The following NCOR2 variants were observed in gnomAD, a reference collection of about 807,000 sequenced individuals.
The protein encoded by NCOR2 is CTG repeat protein 26.
A neutral mutation model predicts 262.9 loss-of-function variants in NCOR2; 81 were observed. The ratio of observed to expected loss-of-function variants is 0.31; its 90% CI spans 0.26 to 0.37. NCOR2 has a LOEUF of 0.37. Among genes scored for constraint, NCOR2 ranks in the 10% least tolerant of loss-of-function variants. NCOR2 has a pLI of 1.00. For synonymous variants in NCOR2, 1,659 were observed against 1,559.3 expected (o/e 1.06, Z -1.51); for missense variants, 3,385 against 3,621.4 (o/e 0.93, Z 1.68).
At chr12:124,538,937 G>A (rs2051201595), upstream of NCOR2, 1 of 152,318 alleles carries the variant, frequency 6.6e-6, no homozygotes, top group South Asian at 2.1e-4. Flanking sequence ...TCTGAGGGAG[G>A]AGTCACCCAA....
At chr12:124,431,408 G>A (rs1565937666) in intron 8 of NCOR2, among the ~76,000 whole-genome samples, 1 of 148,178 alleles carries the variant, frequency 6.7e-6, no homozygotes, top group East Asian at 2.1e-4. Flanking sequence ...AGATACACAG[G>A]CAGACAGACA....
intron 28 of NCOR2, chr12:124,348,705 T>A: frequency 4.3e-6 from 1 of 232,744 alleles, no homozygotes. Flanking sequence ...CAAGGACGCA[T>A]CAGCAGTGTG....
rs2136228472 is a variant in NCOR2, at chr12:124,408,072, T to A, written c.1483-5511A>T. ...TCTTTTTATAAGATATACCAAGGCG[T>A]GGCGGGGCGCGGTGGCTCACGCCTG... On this transcript the variant is annotated intron_variant, in intron 13 of 46. Coordinates refer to ENST00000405201, the Ensembl canonical transcript of NCOR2. Among the ~76,000 whole-genome samples, 2 of 152,262 alleles carry A rather than the reference T, an allele frequency of 1.3e-5. 1 individual carries two copies. Among genetic ancestry groups the A allele is most frequent in the Admixed American group, 1.3e-4 (2 of 15,294 alleles).
At chr12:124,439,560 G>A (rs1482516163) in intron 7 of NCOR2, among the ~76,000 whole-genome samples, 2 of 151,838 alleles carry the variant, frequency 1.3e-5, no homozygotes, top group Non-Finnish European at 2.9e-5. Context: ...GGGACCCAGA[G>A]AGAGGGAGAC....
At chr12:124,453,639 C>T (rs939112341) in intron 6 of NCOR2, among the ~76,000 whole-genome samples, 1 of 152,234 alleles carries the variant, frequency 6.6e-6, no homozygotes, top group African/African-American at 2.4e-5. Flanking sequence ...GCGGCCTGAG[C>T]TGGCAATAAA....
chr12:124,469,288 G>C lies in NCOR2; in HGVS notation c.592-3002C>G, dbSNP rs149139240. 1.1e-3 allele frequency among the ~76,000 whole-genome samples: 171 copies of C among 152,246 alleles called. 1 individual carries two copies. The highest frequency in any genetic ancestry group is 3.9e-3 in the African/African-American group (160 of 41,548). On this transcript the variant is annotated intron_variant, in intron 4 of 46. Transcript: ENST00000405201. The stretch of plus-strand genomic sequence containing the variant: ...AACCCAGAAAGGTGCCCAAGAAGAA[G>C]TGAACACAGGAAAAGCCAGAAAATC...
At chr12:124,385,222 G>A (rs796829598) in intron 17 of NCOR2, among the ~76,000 whole-genome samples, 3 of 152,144 alleles carry the variant, frequency 2.0e-5, no homozygotes, top group Non-Finnish European at 2.9e-5. Flanking sequence ...TCAGCCTCCC[G>A]TGGCCTGCCT....
intron 2 of NCOR2, among the ~76,000 whole-genome samples, chr12:124,485,175 G>A (rs886140226): frequency 9.2e-5 from 14 of 152,238 alleles, no homozygotes; most frequent in African/African-American, 3.1e-4. Flanking sequence ...CAAAATCCAC[G>A]GCCACTGGAA....
chr12:124,368,864 C>A (rs527845946), intron 20 of NCOR2, among the ~76,000 whole-genome samples: 1 of 152,384 alleles, frequency 6.6e-6, no homozygotes, highest in East Asian at 1.9e-4. Context: ...CAGTTTCCAG[C>A]GCCCCCGGCG....
chr12:124,489,640 G>T (rs561314175), intron 1 of NCOR2, among the ~76,000 whole-genome samples: 1 of 150,056 alleles, frequency 6.7e-6, no homozygotes, highest in Non-Finnish European at 1.5e-5. Flanking sequence ...GCCTCAGAGG[G>T]TTCTCCCTGA....
intron 10 of NCOR2, chr12:124,429,367 C>T (rs1380299454): frequency 1.7e-5 from 9 of 536,830 alleles, no homozygotes; most frequent in Middle Eastern, 5.0e-4. Flanking sequence ...GATGGGGGAG[C>T]GCCAGGGCCC....
rs914468257 is a variant in NCOR2 at position 124,482,358 on chromosome 12, G to A, written c.411+1238C>T. Among the ~76,000 whole-genome samples the A allele has an allele frequency of 1.3e-5, 2 of 151,978 alleles. No homozygotes were observed. The highest frequency in any genetic ancestry group is 4.8e-5 in the African/African-American group (2 of 41,348). ...AGCCCAGCCATCCCAGCCCCAGGAC[G>A]GCACCCCCACCTCCTGCCAGCCCAA... On this transcript the variant is annotated intron_variant, in intron 3 of 46. Coordinates refer to ENST00000405201, the Ensembl canonical transcript of NCOR2. The surrounding 1 kb of genome is among the most constrained non-coding windows in gnomAD (Gnocchi z 6.3).
chr12:124,515,491 C>A (rs987512563), intron 1 of NCOR2, among the ~76,000 whole-genome samples: 2 of 152,086 alleles, frequency 1.3e-5, no homozygotes, highest in Non-Finnish European at 2.9e-5. Context: ...TCATCCATAT[C>A]ATAACTAGGA....
Position 124,333,108 on chromosome 12 carries a change from G to C in NCOR2, c.6755+22C>G, listed in dbSNP as rs774812458. The C allele has an allele frequency of 8.2e-6, 13 of 1,582,840 alleles. No individual in the cohort carries two copies. The South Asian group carries it at 1.3e-4, about 15-fold the overall frequency. On this transcript the variant is annotated intron_variant, in intron 42 of 46. Coordinates refer to ENST00000405201, the Ensembl canonical transcript of NCOR2. ...GGGATACCAGAGCATCCCGGGGGCA[G>C]CGCATGTGCCCACAGAAGTACCTGG...
At chr12:124,538,037 AG>A (rs2051168172), upstream of NCOR2, 1 of 152,270 alleles carries the variant, frequency 6.6e-6, no homozygotes, top group Non-Finnish European at 1.5e-5. Flanking sequence ...GTCCCGTCAC[AG>A]GCTAGGGCAG....
chr12:124,456,940 C>A (rs554584628), intron 6 of NCOR2, among the ~76,000 whole-genome samples, 166 bp downstream of exon 8: 1 of 151,372 alleles, frequency 6.6e-6, no homozygotes, highest in East Asian at 2.0e-4. Flanking sequence ...CGCTATCTGC[C>A]GTCCTCTCAT....
At chr12:124,501,048 GCGCGCGCA>G (rs1555232665) in intron 1 of NCOR2, among the ~76,000 whole-genome samples, 1 of 51,126 alleles carries the variant, frequency 2.0e-5, no homozygotes, top group African/African-American at 6.9e-5. Flanking sequence ...CGGCACGAGC[GCGCGCGCA>G]CGCGCGCACA....
intron 2 of NCOR2, among the ~76,000 whole-genome samples, chr12:124,485,048 C>G (rs1330942498): frequency 6.6e-6 from 1 of 152,230 alleles, no homozygotes; most frequent in Non-Finnish European, 1.5e-5. Flanking sequence ...CCAAGACATC[C>G]CCCTCTTCAA....
At chr12:124,410,755 G>A (rs558690378) in intron 13 of NCOR2, among the ~76,000 whole-genome samples, 4 of 152,144 alleles carry the variant, frequency 2.6e-5, no homozygotes, top group Non-Finnish European at 4.4e-5. Context: ...AACACCCACC[G>A]CACAGCGGCT....
Sources: allele counts gnomAD v4.1 joint callset (sites outside exome capture counted in the v4.1 genomes callset), GRCh38; gene constraint gnomAD v4.1.1; non-coding constraint Gnocchi (gnomAD v3.1); transcripts MANE v1.5; gene names NCBI Gene and HGNC (gene_info 2026-07-23, HGNC 2026-07-21).